The following EFCAB5 variants were observed in gnomAD, a reference collection of about 807,000 sequenced individuals.
EFCAB5 encodes EF-hand calcium binding domain 5.
In EFCAB5, 131 loss-of-function variants were observed where a neutral mutation model predicts 167.9. The ratio of observed to expected loss-of-function variants is 0.78; its 90% confidence interval spans 0.68 to 0.90. EFCAB5 has a LOEUF of 0.90. Among genes scored for constraint, EFCAB5 ranks in the 40% least tolerant of loss-of-function variants. EFCAB5 has a pLI of 0.00. For synonymous variants in EFCAB5, 574 were observed against 602.8 expected (o/e 0.95, Z 0.70); for missense variants, 1,663 against 1,745.2 (o/e 0.95, Z 0.84).
chr17:29,982,957 C>T (rs191565887), intron 4 of EFCAB5, among the ~76,000 whole-genome samples: 35 of 152,294 alleles, frequency 2.3e-4, no homozygotes, highest in Non-Finnish European at 8.8e-5. Context: ...TAAAAGGTCT[C>T]GAAACACTCA....
At chr17:30,077,823 C>T (rs936113692) in intron 14 of EFCAB5, among the ~76,000 whole-genome samples, 2 of 152,088 alleles carry the variant, frequency 1.3e-5, no homozygotes, top group Non-Finnish European at 2.9e-5. Context: ...AAGTCAATTA[C>T]AAAGTGATAA....
chr17:30,095,453 G>A (rs1181896848), intron 22 of EFCAB5, among the ~76,000 whole-genome samples: 1 of 152,166 alleles, frequency 6.6e-6, no homozygotes, highest in Non-Finnish European at 1.5e-5. Context: ...GCCTTCAGGG[G>A]AGGACTGCTG....
chr17:29,951,233 G>A (rs562919119), intron 3 of EFCAB5, among the ~76,000 whole-genome samples: 5 of 152,284 alleles, frequency 3.3e-5, no homozygotes, highest in African/African-American at 1.2e-4. Context: ...GGCTTTTCAA[G>A]GGTTTCTTCA....
At chr17:30,106,965 T>A (rs1335631410) in intron 22 of EFCAB5, among the ~76,000 whole-genome samples, 1 of 152,174 alleles carries the variant, frequency 6.6e-6, no homozygotes, top group Non-Finnish European at 1.5e-5. Flanking sequence ...ATTCTTACAA[T>A]TTTGTTTTAT....
intron 14 of EFCAB5, chr17:30,069,187 TCA>T (rs900050668): frequency 2.6e-6 from 4 of 1,549,318 alleles, no homozygotes; most frequent in East Asian, 4.5e-5. Flanking sequence ...TGAGAAAGTT[TCA>T]CAGTGTCCTT....
chr17:29,984,025 C>A (rs75438979), intron 4 of EFCAB5, among the ~76,000 whole-genome samples: 4 of 152,024 alleles, frequency 2.6e-5, no homozygotes, highest in Non-Finnish European at 4.4e-5. Flanking sequence ...CCCTAAAATT[C>A]GTTTACTTAT....
In EFCAB5 at chr17:29,943,577, GT is replaced by G; in HGVS notation, c.119del (p.Val40GlyfsTer6). 1.9e-6 allele frequency: 3 copies of G among 1,580,762 alleles called. No homozygotes were observed. The highest frequency in any genetic ancestry group is 2.6e-6 in the Non-Finnish European group (3 of 1,162,710). On this transcript the variant is annotated frameshift_variant, in exon 3 of 23. Coordinates refer to ENST00000394835, the MANE Select transcript of EFCAB5 (RefSeq NM_198529.4). LOFTEE classifies it high-confidence loss of function. Reference sequence around the variant, plus strand: ...CCTCTTTTCAAAGACCTTACAGAGTGTGCCAGACGTTCCTGTAAAAGAGGAC... The same window carrying G: ...CCTCTTTTCAAAGACCTTACAGAGTGGCCAGACGTTCCTGTAAAAGAGGAC... ...VKELHETLQS[V>X]PDVPVKEDTN...
At chr17:29,975,951 T>C (rs529355623) in intron 4 of EFCAB5, among the ~76,000 whole-genome samples, 20 of 152,008 alleles carry the variant, frequency 1.3e-4, no homozygotes, top group Admixed American at 5.9e-4. Flanking sequence ...TTAAGAGAGG[T>C]TTAGTACTAG....
intron 20 of EFCAB5, 44 bp from the exon 21 acceptor site, chr17:30,091,827 C>T (rs1439016040): frequency 1.9e-6 from 3 of 1,597,378 alleles, no homozygotes; most frequent in Non-Finnish European, 2.6e-6. Context: ...CAGCAATGTA[C>T]ATTAGACTGA....
intron 4 of EFCAB5, among the ~76,000 whole-genome samples, chr17:29,985,462 A>G (rs892479987): frequency 2.0e-4 from 30 of 152,280 alleles, no homozygotes; most frequent in African/African-American, 7.0e-4. Flanking sequence ...AGACACACAC[A>G]CAGAAATAAA....
chr17:30,071,533 T>A (rs1386297030), intron 14 of EFCAB5, among the ~76,000 whole-genome samples: 3 of 151,822 alleles, frequency 2.0e-5, no homozygotes, highest in African/African-American at 7.3e-5. Flanking sequence ...AAAGGGAAAC[T>A]CTTATACCTT....
At chr17:29,934,124 C>G (rs973568364) in intron 1 of EFCAB5, among the ~76,000 whole-genome samples, 8 of 152,024 alleles carry the variant, frequency 5.3e-5, no homozygotes, top group African/African-American at 1.7e-4. Flanking sequence ...ATTTTTTATA[C>G]AGGATTTTAT....
At chr17:30,034,416 T>G (rs1240227654) in intron 8 of EFCAB5, 31 bp downstream of exon 8, 2 of 1,553,662 alleles carry the variant, frequency 1.3e-6, no homozygotes, top group Admixed American at 2.0e-5. Context: ...AATTGCTTCT[T>G]GGCCAGACAC....
At chr17:29,941,019 G>T (rs960260566), upstream of EFCAB5, among the ~76,000 whole-genome samples, 1 of 151,202 alleles carries the variant, frequency 6.6e-6, no homozygotes, top group African/African-American at 2.4e-5. Context: ...CAGCCCGGGC[G>T]ACAGAATGAG....
chr17:30,054,695 T>G (rs2070203254), intron 10 of EFCAB5, among the ~76,000 whole-genome samples: 2 of 152,182 alleles, frequency 1.3e-5, no homozygotes, highest in African/African-American at 4.8e-5. Context: ...TTAACCACAA[T>G]CAACCACAGT....
chr17:29,949,531 T>A (rs979138302), intron 3 of EFCAB5, among the ~76,000 whole-genome samples: 3 of 152,228 alleles, frequency 2.0e-5, no homozygotes, highest in Admixed American at 1.3e-4. Context: ...AATCAATCAA[T>A]CTTAAAAGGT....
chr17:30,005,285 G>A (rs572145867), intron 7 of EFCAB5, among the ~76,000 whole-genome samples: 1 of 152,184 alleles, frequency 6.6e-6, no homozygotes, highest in African/African-American at 2.4e-5. Context: ...AGGCTGCAGT[G>A]AGCTATAATC....
At chr17:30,057,413 A>C (rs1000780622) in intron 12 of EFCAB5, among the ~76,000 whole-genome samples, 1 of 152,204 alleles carries the variant, frequency 6.6e-6, no homozygotes, top group Non-Finnish European at 1.5e-5. Flanking sequence ...TTACATTGCT[A>C]TCATATATGA....
chr17:30,008,755 G>A lies in EFCAB5; in HGVS notation c.1044+8779G>A, dbSNP rs895082286. The stretch of plus-strand genomic sequence containing the variant: ...GCAGATTTTTAAACTTTTTTTGGTA[G>A]CAGCTTTATTCAGATATAATTTACA... On this transcript the variant is annotated intron_variant, in intron 7 of 22. Transcript: ENST00000394835. 6.6e-5 allele frequency among the ~76,000 whole-genome samples: 10 copies of A among 152,052 alleles called. No individual in the cohort carries two copies. The South Asian group carries it at 2.1e-3, about 32-fold the overall frequency.
Sources: gnomAD v4.1 joint callset for allele counts (sites outside exome capture counted in the v4.1 genomes callset) on GRCh38, gnomAD v4.1.1 for gene constraint, MANE v1.5 for transcripts, NCBI Gene and HGNC (gene_info 2026-07-23, HGNC 2026-07-21) for gene names.